FBN3: variants seen among roughly 807,000 people sequenced by gnomAD.
The protein encoded by FBN3 is fibrillin-3.
In FBN3, 234 loss-of-function variants were observed where a neutral mutation model predicts 330.1. The observed-to-expected ratio is 0.71, with a 90% CI of 0.64 to 0.79. The LOEUF (loss-of-function observed/expected upper bound fraction) is 0.79, where lower values mean the gene tolerates loss of function less well. Among genes scored for constraint, FBN3 ranks in the 30% least tolerant of loss-of-function variants. The pLI, the probability that FBN3 is intolerant of heterozygous loss-of-function variation, is 0.00. For synonymous variants in FBN3, 1,458 were observed against 1,517.3 expected, an observed-to-expected ratio of 0.96 and a Z score of 0.91; for missense variants, 3,606 against 3,886.9, an observed-to-expected ratio of 0.93 and a Z score of 1.92.
intron 24 of FBN3, 138 bp downstream of exon 24, chr19:8,123,326 C>T (rs901850620): frequency 4.1e-6 from 4 of 965,958 alleles, no homozygotes; most frequent in Non-Finnish European, 5.9e-6. Context: ...TGCACTCCAG[C>T]CTGGATAACA....
chr19:8,104,472 A>T (rs1599351211), intron 38 of FBN3, among the ~76,000 whole-genome samples: 1 of 19,416 alleles, frequency 5.2e-5, no homozygotes, highest in South Asian at 0.01. Context: ...CACTGGCTCT[A>T]AAAAAAAAAA....
Position 8,106,192 on chromosome 19 carries a change from C to G in FBN3, c.4729G>C (p.Gly1577Arg). ...CTGCCAAACGTGTTGACGCAGTCAC[C>G]CCCCTGACACAGCCCTGGCAGCTCT... ...CQELPGLCQG[G>R]DCVNTFGSFQ... Residue 1577 changes from glycine to arginine, a missense_variant, in exon 38 of 64, where the codon GGT becomes CGT. Physicochemically the swap from Gly to Arg is moderately radical, Grantham distance 125. Transcript: ENST00000600128. 1.2e-6 allele frequency: 2 copies of G among 1,614,122 alleles called. No individual in the cohort carries two copies. Among genetic ancestry groups the G allele is most frequent in the Non-Finnish European group, 1.7e-6 (2 of 1,180,012 alleles).
chr19:8,110,090 G>C (rs1004057391), intron 34 of FBN3, among the ~76,000 whole-genome samples: 1 of 152,164 alleles, frequency 6.6e-6, no homozygotes, highest in African/African-American at 2.4e-5. Flanking sequence ...GGGTCTTGCT[G>C]TGTCGACCAG....
intron 40 of FBN3, among the ~76,000 whole-genome samples, chr19:8,101,254 A>C (rs1260960759): frequency 1.3e-5 from 2 of 151,808 alleles, no homozygotes; most frequent in Admixed American, 6.6e-5. Context: ...CCTCCCAAGT[A>C]GCTGGGATTA....
intron 48 of FBN3, 134 bp from the exon 49 acceptor site, chr19:8,090,385 C>T: frequency 1.1e-6 from 1 of 948,800 alleles, no homozygotes; most frequent in South Asian, 1.6e-5. Context: ...ACATGCCATG[C>T]CCCTGGTCAT....
rs374791516 is a variant in FBN3 at position 8,109,212 on chromosome 19, C to T, written c.4618+15G>A. On this transcript the variant is annotated intron_variant, in intron 36 of 63. Coordinates refer to ENST00000600128, the MANE Select transcript of FBN3 (RefSeq NM_032447.5). The surrounding 1 kb of genome is among the most constrained non-coding windows in gnomAD (Gnocchi z 5.2). ...GGCTTAGGTCACGGTGTTCAACTGC[C>T]CCGCAGGGACTCACTGGTGTTGGCC... 2 of 1,613,434 alleles carry T rather than the reference C, an allele frequency of 1.2e-6. No individual in the cohort carries two copies. The highest frequency in any genetic ancestry group is 8.5e-7 in the Non-Finnish European group (1 of 1,179,608).
intron 63 of FBN3, among the ~76,000 whole-genome samples, chr19:8,068,701 C>CAAATAAATAAAT (rs1555721997): frequency 4.7e-5 from 6 of 127,838 alleles, no homozygotes; most frequent in African/African-American, 1.7e-4. Context: ...GACCTTGTCT[C>CAAATAAATAAAT]AAATAAATAA....
At chr19:8,103,414 A>G in intron 39 of FBN3, 148 bp downstream of exon 39, 1 of 794,876 alleles carries the variant, frequency 1.3e-6, no homozygotes, top group Admixed American at 2.6e-5. Context: ...TGGGCTCCTG[A>G]GTCCTGCAGC....
At chr19:8,135,562 CT>C (rs143079189) in intron 13 of FBN3, among the ~76,000 whole-genome samples, 91 of 146,006 alleles carry the variant, frequency 6.2e-4, no homozygotes, top group Admixed American at 8.9e-4. Flanking sequence ...ACTCGGACTT[CT>C]TTTTTTTTTT....
intron 55 of FBN3, among the ~76,000 whole-genome samples, chr19:8,085,916 G>C (rs565136860): frequency 1.5e-4 from 22 of 151,158 alleles, no homozygotes; most frequent in Non-Finnish European, 3.1e-4. Flanking sequence ...CAACCCCCTG[G>C]GTTGCCCGTC....
chr19:8,084,694 C>T (rs1273667191), intron 56 of FBN3, among the ~76,000 whole-genome samples: 1 of 151,938 alleles, frequency 6.6e-6, no homozygotes, highest in Non-Finnish European at 1.5e-5. Context: ...TCAAGGGATT[C>T]TCCTGCCTCA....
At chr19:8,125,517 G>A (rs191942934) in intron 22 of FBN3, among the ~76,000 whole-genome samples, 4 of 152,092 alleles carry the variant, frequency 2.6e-5, no homozygotes, top group Non-Finnish European at 5.9e-5. Flanking sequence ...CAGGCCAGGC[G>A]TGGTGGCTCA....
chr19:8,128,620 G>A (rs1473728139), intron 18 of FBN3, among the ~76,000 whole-genome samples: 4 of 152,076 alleles, frequency 2.6e-5, no homozygotes, highest in Non-Finnish European at 5.9e-5. Flanking sequence ...GTGTCTTTGA[G>A]TGTGTATGTG....
At chr19:8,104,964 A>AT (rs1239462534) in intron 38 of FBN3, among the ~76,000 whole-genome samples, 1 of 102,894 alleles carries the variant, frequency 9.7e-6, no homozygotes, top group East Asian at 2.6e-4. Flanking sequence ...TCTTTCTTTT[A>AT]TTTTTTTTGA....
chr19:8,107,199 A>G (rs2082459572), intron 37 of FBN3, among the ~76,000 whole-genome samples: 2 of 138,018 alleles, frequency 1.4e-5, no homozygotes, highest in South Asian at 5.3e-4. Context: ...AGGATAGATG[A>G]ATGGGTAGAT....
intron 30 of FBN3, among the ~76,000 whole-genome samples, chr19:8,114,820 C>T (rs1386158280): frequency 6.6e-6 from 1 of 151,926 alleles, no homozygotes; most frequent in African/African-American, 2.4e-5. Context: ...CGGCTCACTG[C>T]AAGCTTCGCC....
rs1953373512 is a variant in FBN3, at chr19:8,149,144, C to G, written c.-18+305G>C. ...CGACGGGGAGGGGGCGCCCCCGGAGCCCGCGGGGCGCGATCTCCACCCGGC... is the reference window on the plus strand; with the variant it reads ...CGACGGGGAGGGGGCGCCCCCGGAGGCCGCGGGGCGCGATCTCCACCCGGC... On this transcript the variant is annotated intron_variant, in intron 1 of 63. Coordinates refer to ENST00000600128, the MANE Select transcript of FBN3 (RefSeq NM_032447.5). The surrounding 1 kb of genome is among the most constrained non-coding windows in gnomAD (Gnocchi z 5.5). 6.6e-6 allele frequency among the ~76,000 whole-genome samples: 1 copy of G among 151,776 alleles called. No homozygotes were observed. The highest frequency in any genetic ancestry group is 2.1e-4 in the South Asian group (1 of 4,828).
In FBN3 at chr19:8,117,530, T is replaced by C; in HGVS notation, c.3397A>G (p.Ile1133Val). ...LCPHGQCVNV[I>V]GAFQCSCHAG... ...TGGCAGGAGCACTGGAAGGCACCGA[T>C]GACATTGACACACTGGCCATGGGGA... The change falls in exon 27 of 64, where the codon ATC becomes GTC. Residue 1133 changes from isoleucine (I) to valine (V), a missense_variant. Transcript: ENST00000600128. The C allele has an allele frequency of 6.4e-7, 1 of 1,558,238 alleles. No individual in the cohort carries two copies. The highest frequency in any genetic ancestry group is 1.2e-5 in the South Asian group (1 of 84,326).
rs140401594 is a variant in FBN3, at chr19:8,073,028, G to A, written c.7937+35C>T. 2 of 1,307,886 alleles carry A rather than the reference G, an allele frequency of 1.5e-6. 1 individual carries two copies. 81.0% of individuals were successfully genotyped at this position (1,307,886 alleles called of 1,614,324 possible). On this transcript the variant is annotated intron_variant, in intron 62 of 63. Transcript: ENST00000600128. Reference sequence around the variant, plus strand: ...GCGTGCGTGCATGGACGCTTGCGGGGCATGGAGTCTGCTTGCCCCACTCCA... The same window carrying A: ...GCGTGCGTGCATGGACGCTTGCGGGACATGGAGTCTGCTTGCCCCACTCCA...
Sources: gnomAD v4.1 joint callset for allele counts (sites outside exome capture counted in the v4.1 genomes callset) on GRCh38, gnomAD v4.1.1 for gene constraint, Gnocchi (gnomAD v3.1) non-coding constraint, MANE v1.5 for transcripts, NCBI Gene and HGNC (gene_info 2026-07-23, HGNC 2026-07-21) for gene names.